Variants in KCNJ12 observed in about 807,000 individuals in gnomAD.
KCNJ12 encodes ATP-sensitive inward rectifier potassium channel 12.
KCNJ12 carries 2 observed loss-of-function variants against 22.3 expected under a neutral mutation model. The observed-to-expected ratio is 0.09, with a 90% confidence interval of 0.04 to 0.28. The LOEUF (loss-of-function observed/expected upper bound fraction) is 0.28. Among genes scored for constraint, KCNJ12 ranks in the 10% least tolerant of loss-of-function variants. The pLI is 1.00. For missense variants in KCNJ12, 155 were observed against 633.3 expected (o/e 0.24, Z 8.11); for synonymous variants, 117 against 261.4 (o/e 0.45, Z 5.33).
intron 1 of KCNJ12, among the ~76,000 whole-genome samples, chr17:21,399,149 C>T (rs558751235): frequency 6.6e-6 from 1 of 152,156 alleles, no homozygotes; most frequent in African/African-American, 2.4e-5. Flanking sequence ...CCCCATGGAG[C>T]GAAGCTGCCG....
At chr17:21,401,252 C>T (rs77216451) in intron 1 of KCNJ12, among the ~76,000 whole-genome samples, 2 of 135,844 alleles carry the variant, frequency 1.5e-5, no homozygotes, top group South Asian at 4.8e-4. Flanking sequence ...TTTAGTTTCC[C>T]AGCCATGGTA....
chr17:21,416,589 AG>A lies in KCNJ12; in HGVS notation c.1249del (p.Ala417LeufsTer59), dbSNP rs782407544. 1 of 1,605,714 alleles carries A rather than the reference AG, an allele frequency of 6.2e-7. No homozygotes were observed. Among genetic ancestry groups the A allele is most frequent in the Non-Finnish European group, 8.5e-7 (1 of 1,175,860 alleles). The part of the protein sequence containing the change: ...PQARHDFDRL[Q>X]AGGGVLEQRP... ...GCCAGGCATGACTTTGACAGACTCC[AG>A]GCTGGCGGCGGGGTCCTGGAGCAGC... On this transcript the variant is annotated frameshift_variant, in exon 3 of 3. Coordinates refer to ENST00000583088, the MANE Select transcript of KCNJ12 (RefSeq NM_021012.5). LOFTEE classifies it high-confidence loss of function.
chr17:21,403,845 G>A (rs1905774009), intron 1 of KCNJ12, among the ~76,000 whole-genome samples: 1 of 152,310 alleles, frequency 6.6e-6, no homozygotes, highest in East Asian at 1.9e-4. Flanking sequence ...GGTTCAGAGA[G>A]GTTATGTGGC....
chr17:21,390,388 C>T (rs981184710), intron 1 of KCNJ12, among the ~76,000 whole-genome samples: 5 of 152,224 alleles, frequency 3.3e-5, no homozygotes, highest in South Asian at 2.1e-4. Flanking sequence ...TCCTGCCCCA[C>T]GGAGCTTCTG....
At chr17:21,410,146 G>C (rs3952380) in intron 2 of KCNJ12, among the ~76,000 whole-genome samples, 11 of 152,210 alleles carry the variant, frequency 7.2e-5, no homozygotes, top group Admixed American at 1.3e-4. Context: ...TGTCCCCCAG[G>C]AGTGCCCCTC....
At chr17:21,379,013 G>T (rs59657904) in intron 1 of KCNJ12, among the ~76,000 whole-genome samples, 6 of 152,282 alleles carry the variant, frequency 3.9e-5, no homozygotes, top group African/African-American at 1.4e-4. Context: ...CTCTTTCCAG[G>T]CCAGGCGCTT....
chr17:21,415,262 A>T, intron 2 of KCNJ12, 25 bp from the exon 3 acceptor site: 1 of 1,545,402 alleles, frequency 6.5e-7, no homozygotes, highest in Non-Finnish European at 8.7e-7. Context: ...CAGCCCAGCC[A>T]GACATGCTGT....
intron 1 of KCNJ12, among the ~76,000 whole-genome samples, chr17:21,394,638 A>G (rs1235466044): frequency 6.6e-6 from 1 of 152,178 alleles, no homozygotes; most frequent in African/African-American, 2.4e-5. Flanking sequence ...TGATGCACTG[A>G]TTCTGGAGAG....
At chr17:21,409,101 C>G in intron 2 of KCNJ12, among the ~76,000 whole-genome samples, 1 of 152,310 alleles carries the variant, frequency 6.6e-6, no homozygotes, top group African/African-American at 2.4e-5. Context: ...TTTGCTATAC[C>G]TGCATCAGCC....
intron 1 of KCNJ12, among the ~76,000 whole-genome samples, chr17:21,385,110 C>T (rs1555558509): frequency 6.6e-6 from 1 of 152,204 alleles, no homozygotes; most frequent in African/African-American, 2.4e-5. Context: ...CAAGCTTCCG[C>T]ATCTCAGTGC....
At chr17:21,392,483 G>A (rs1905233685) in intron 1 of KCNJ12, among the ~76,000 whole-genome samples, 1 of 152,238 alleles carries the variant, frequency 6.6e-6, no homozygotes, top group Non-Finnish European at 1.5e-5. Flanking sequence ...CAAGGCAGGG[G>A]GCAGGGGCCC....
intron 1 of KCNJ12, among the ~76,000 whole-genome samples, chr17:21,406,922 T>C (rs1905977643): frequency 6.6e-6 from 1 of 152,046 alleles, no homozygotes; most frequent in African/African-American, 2.4e-5. Flanking sequence ...ACCTCTTCTC[T>C]GATTCTCACG....
At position 21,412,749 on chromosome 17, in the gene KCNJ12, G is replaced by T. The variant is rs79809609; in HGVS notation, c.-56-2538G>T. Among the ~76,000 whole-genome samples the T allele has an allele frequency of 2.6e-5, 4 of 152,194 alleles. No homozygotes were observed. In the East Asian group the frequency reaches 5.8e-4, roughly 22 times the overall value. ...AGGTGGTCAGCCACAGCGGTGTTGG[G>T]GGAGGACGGCAGAGTAAGGAAAGGC... is the stretch of plus-strand genomic sequence containing the variant. On this transcript the variant is annotated intron_variant, in intron 2 of 2. Transcript: ENST00000583088.
At chr17:21,383,977 A>G (rs1904982766) in intron 1 of KCNJ12, among the ~76,000 whole-genome samples, 1 of 152,072 alleles carries the variant, frequency 6.6e-6, no homozygotes, top group Non-Finnish European at 1.5e-5. Context: ...TGTAAGGGGA[A>G]AAGTGAATTT....
At chr17:21,387,259 G>T (rs1348937839) in intron 1 of KCNJ12, among the ~76,000 whole-genome samples, 1 of 151,132 alleles carries the variant, frequency 6.6e-6, no homozygotes, top group Admixed American at 6.6e-5. Context: ...TGGCTAACAC[G>T]GTGAAACCCC....
chr17:21,378,226 C>T (rs1432270518), intron 1 of KCNJ12, among the ~76,000 whole-genome samples: 5 of 152,250 alleles, frequency 3.3e-5, no homozygotes, highest in Admixed American at 2.6e-4. Flanking sequence ...CCCCTCCTCG[C>T]GCAGCTCCGC....
chr17:21,407,506 TCCATCCAC>T (rs1282344177), intron 1 of KCNJ12, among the ~76,000 whole-genome samples: 1 of 151,208 alleles, frequency 6.6e-6, no homozygotes, highest in Non-Finnish European at 1.5e-5. Context: ...CACTCACCCA[TCCATCCAC>T]CCAATCATCT....
intron 1 of KCNJ12, among the ~76,000 whole-genome samples, chr17:21,382,446 C>T (rs9913913): frequency 6.6e-6 from 1 of 152,208 alleles, no homozygotes; most frequent in East Asian, 1.9e-4. Context: ...CCAGACTCCC[C>T]ACGGTCATTG....
At chr17:21,397,004 C>T (rs1555559992) in intron 1 of KCNJ12, among the ~76,000 whole-genome samples, 2 of 152,198 alleles carry the variant, frequency 1.3e-5, no homozygotes, top group Non-Finnish European at 2.9e-5. Context: ...CTGTGTGACC[C>T]TGGGCAAGTG....
Sources: allele counts gnomAD v4.1 joint callset (sites outside exome capture counted in the v4.1 genomes callset), GRCh38; gene constraint gnomAD v4.1.1; transcripts MANE v1.5; gene names NCBI Gene and HGNC (gene_info 2026-07-23, HGNC 2026-07-21).